The following TTLL9 variants were observed in gnomAD, a reference collection of about 807,000 sequenced individuals.
TTLL9 encodes the protein tubulin tyrosine ligase like 9.
Under a neutral mutation model 65.6 loss-of-function variants are expected in TTLL9, and 47 were observed. The observed-to-expected ratio is 0.72, with a 90% CI of 0.57 to 0.91. The LOEUF (loss-of-function observed/expected upper bound fraction) is 0.91. Among genes scored for constraint, TTLL9 ranks in the 40% least tolerant of loss-of-function variants. The pLI, the probability that TTLL9 is intolerant of heterozygous loss-of-function variation, is 0.00. For synonymous variants in TTLL9, 179 were observed against 204.8 expected (o/e 0.87, Z 1.07); for missense variants, 537 against 568.8 (o/e 0.94, Z 0.57).
chr20:31,871,810 G>A (rs890254819), intron 2 of TTLL9, among the ~76,000 whole-genome samples: 1 of 152,122 alleles, frequency 6.6e-6, no homozygotes, highest in Admixed American at 6.5e-5. Context: ...GTATAGACCA[G>A]CATTGTCCAA....
intron 3 of TTLL9, among the ~76,000 whole-genome samples, chr20:31,889,765 T>C (rs1424477801): frequency 6.6e-6 from 1 of 151,214 alleles, no homozygotes; most frequent in East Asian, 1.9e-4. Context: ...TTATGAGGTC[T>C]CACTATGTTG....
intron 2 of TTLL9, chr20:31,879,750 G>C: frequency 6.8e-7 from 1 of 1,474,174 alleles, no homozygotes; most frequent in South Asian, 1.2e-5. Flanking sequence ...TGCGCACTCC[G>C]CCGAGAGCAT....
chr20:31,889,413 A>C (rs924658959), intron 3 of TTLL9, among the ~76,000 whole-genome samples: 3 of 148,536 alleles, frequency 2.0e-5, no homozygotes, highest in Non-Finnish European at 3.0e-5. Context: ...GGCTCATGCC[A>C]GTGCACCTGG....
At chr20:31,935,902 T>C (rs1226927002) in intron 12 of TTLL9, among the ~76,000 whole-genome samples, 1 of 152,190 alleles carries the variant, frequency 6.6e-6, no homozygotes, top group African/African-American at 2.4e-5. Context: ...TTAGGATGAC[T>C]CCGGCTGTGC....
Position 31,934,863 on chromosome 20 carries a change from A to G in TTLL9, c.979A>G (p.Ile327Val), listed in dbSNP as rs1449698571. The G allele has an allele frequency of 1.9e-6, 3 of 1,613,220 alleles. No individual in the cohort carries two copies. The highest frequency in any genetic ancestry group is 2.5e-6 in the Non-Finnish European group (3 of 1,179,524). ...CTGCTTCGAGCTGTACGGCTATGACATCCTCATCGACCAGGACCTCAAGCC... is the reference window on the plus strand; with the variant it reads ...CTGCTTCGAGCTGTACGGCTATGACGTCCTCATCGACCAGGACCTCAAGCC... Reference protein sequence around the residue: ...KHCFELYGYDILIDQDLKPWL... With the variant: ...KHCFELYGYDVLIDQDLKPWL... The change falls in exon 12 of 15, where the codon ATC becomes GTC. Residue 327 changes from isoleucine to valine, a missense_variant. Physicochemically the swap from Ile to Val is conservative, Grantham distance 29. Transcript: ENST00000535842.
At chr20:31,883,312 C>T (rs1313170328) in intron 2 of TTLL9, among the ~76,000 whole-genome samples, 1 of 151,944 alleles carries the variant, frequency 6.6e-6, no homozygotes, top group Non-Finnish European at 1.5e-5. Flanking sequence ...ATTCTTTTGC[C>T]TCAGCCTCCC....
intron 10 of TTLL9, among the ~76,000 whole-genome samples, chr20:31,930,920 T>C (rs970121261): frequency 6.6e-6 from 1 of 152,142 alleles, no homozygotes; most frequent in Non-Finnish European, 1.5e-5. Context: ...TTTCAGCCTC[T>C]GCTTCTCCTC....
intron 6 of TTLL9, among the ~76,000 whole-genome samples, chr20:31,912,603 A>ACGTG (rs2063672781): frequency 1.4e-5 from 2 of 141,008 alleles, no homozygotes; most frequent in Non-Finnish European, 3.1e-5. Flanking sequence ...GTGTATGTGT[A>ACGTG]TGTGTGTGTG....
intron 3 of TTLL9, among the ~76,000 whole-genome samples, chr20:31,892,288 T>C (rs1757980108): frequency 6.6e-6 from 1 of 151,898 alleles, no homozygotes; most frequent in South Asian, 2.1e-4. Context: ...CAAGTGATTC[T>C]CGTGCCTCAG....
At chr20:31,909,125 A>ATTTT (rs11476481) in intron 5 of TTLL9, among the ~76,000 whole-genome samples, 5 of 79,378 alleles carry the variant, frequency 6.3e-5, no homozygotes, top group Non-Finnish European at 9.5e-5. Flanking sequence ...TGAAAGCATG[A>ATTTT]TTTTTTTTTT....
chr20:31,908,721 A>C lies in TTLL9; in HGVS notation c.318+19A>C, dbSNP rs1412603087. 1.9e-6 allele frequency: 3 copies of C among 1,597,298 alleles called. No individual in the cohort carries two copies. The highest frequency in any genetic ancestry group is 2.6e-6 in the Non-Finnish European group (3 of 1,165,490). On this transcript the variant is annotated intron_variant, in intron 5 of 14. Coordinates refer to ENST00000535842, the MANE Select transcript of TTLL9 (RefSeq NM_001008409.5). Reference sequence around the variant, plus strand: ...CTATGAGGTGAGCTGGGCAGGCGGGAGGGACTGTGCCAACCAACTCATGTC... The same window carrying C: ...CTATGAGGTGAGCTGGGCAGGCGGGCGGGACTGTGCCAACCAACTCATGTC...
intron 6 of TTLL9, among the ~76,000 whole-genome samples, chr20:31,919,064 T>C (rs1375698353): frequency 6.6e-6 from 1 of 152,146 alleles, no homozygotes; most frequent in Non-Finnish European, 1.5e-5. Context: ...GGAGGTAAGA[T>C]GACTTGGGAG....
intron 6 of TTLL9, among the ~76,000 whole-genome samples, chr20:31,914,258 G>T (rs2063699249): frequency 6.6e-6 from 1 of 152,172 alleles, no homozygotes; most frequent in Non-Finnish European, 1.5e-5. Flanking sequence ...AATAACAGTA[G>T]CTTAAACAAG....
intron 6 of TTLL9, among the ~76,000 whole-genome samples, chr20:31,916,739 G>A (rs1196601204): frequency 6.6e-6 from 1 of 152,202 alleles, no homozygotes; most frequent in Non-Finnish European, 1.5e-5. Flanking sequence ...CATCTCCGCA[G>A]ACTGTAGCAT....
intron 11 of TTLL9, chr20:31,934,391 C>A: frequency 1.7e-6 from 1 of 571,888 alleles, no homozygotes. Flanking sequence ...CACTCCTTGG[C>A]CTTGGGATGC....
At chr20:31,934,503 T>G in intron 11 of TTLL9, 189 bp from the exon 12 acceptor site, 1 of 671,942 alleles carries the variant, frequency 1.5e-6, no homozygotes, top group Non-Finnish European at 2.7e-6. Context: ...TAGCCAGTCC[T>G]CTTAGACATG....
At position 31,943,138 on chromosome 20, in the gene TTLL9, AGCTTT is replaced by A; in HGVS notation, c.*121_*125del. On this transcript the variant is annotated 3_prime_UTR_variant, in exon 15 of 15. Coordinates refer to ENST00000535842, the MANE Select transcript of TTLL9 (RefSeq NM_001008409.5). ...GCCTCCCCACCTCCAGCCTGGCACCAGCTTTGCTGGCTTAGCAGCTGCAGCTTACT... is the reference window on the plus strand; with the variant it reads ...GCCTCCCCACCTCCAGCCTGGCACCAGCTGGCTTAGCAGCTGCAGCTTACT... The A allele has an allele frequency of 1.0e-6, 1 of 973,330 alleles. No homozygotes were observed. Among genetic ancestry groups the A allele is most frequent in the Non-Finnish European group, 1.6e-6 (1 of 621,214 alleles). 60.3% of individuals were successfully genotyped at this position (973,330 alleles called of 1,614,324 possible).
At chr20:31,888,842 A>G (rs780202281) in intron 3 of TTLL9, among the ~76,000 whole-genome samples, 22 of 152,074 alleles carry the variant, frequency 1.4e-4, no homozygotes, top group South Asian at 8.3e-4. Context: ...AAACAACCAG[A>G]TCTCCCGTGA....
intron 8 of TTLL9, among the ~76,000 whole-genome samples, chr20:31,923,777 C>T (rs746016517): frequency 2.6e-5 from 4 of 152,130 alleles, no homozygotes; most frequent in Admixed American, 2.6e-4. Context: ...CCCACGTCCT[C>T]TGGCAATTAC....
Sources: allele counts gnomAD v4.1 joint callset (sites outside exome capture counted in the v4.1 genomes callset), GRCh38; gene constraint gnomAD v4.1.1; transcripts MANE v1.5; gene names NCBI Gene and HGNC (gene_info 2026-07-23, HGNC 2026-07-21).